Variants in EML2 observed in about 807,000 individuals in gnomAD.
The protein encoded by EML2 is EMAP like 2.
A neutral mutation model predicts 84.7 loss-of-function variants in EML2; 59 were observed. The observed-to-expected ratio is 0.70, with a 90% CI of 0.56 to 0.86. The LOEUF (loss-of-function observed/expected upper bound fraction) is 0.86, where lower values mean the gene tolerates loss of function less well. Ranked by LOEUF, EML2 falls within the 40% of genes least tolerant of loss-of-function variation. The pLI, the probability that EML2 is intolerant of heterozygous loss-of-function variation, is 0.00. For missense variants in EML2, 818 were observed against 855.6 expected, an observed-to-expected ratio of 0.96 and a Z score of 0.55; for synonymous variants, 352 against 348.9, an observed-to-expected ratio of 1.01 and a Z score of -0.10.
rs1449306836 is a variant in EML2, at chr19:45,621,805, T to C, written c.842-168A>G. Among the ~76,000 whole-genome samples the C allele has an allele frequency of 4.6e-5, 7 of 151,758 alleles. No individual in the cohort carries two copies. In the East Asian group the frequency reaches 1.2e-3, roughly 25 times the overall value. On this transcript the variant is annotated intron_variant, in intron 9 of 18. Transcript: ENST00000245925. ...TGTTGCCCAGGCTGGAGTGCACTGGTGCTATCTCGGCCCACTTCAGCCTCT... is the reference window on the plus strand; with the variant it reads ...TGTTGCCCAGGCTGGAGTGCACTGGCGCTATCTCGGCCCACTTCAGCCTCT...
intron 6 of EML2, among the ~76,000 whole-genome samples, chr19:45,631,339 G>A (rs1403620411): frequency 6.6e-6 from 1 of 152,100 alleles, no homozygotes; most frequent in African/African-American, 2.4e-5. Flanking sequence ...GAGACTGGCT[G>A]TTTTTTACTC....
intron 6 of EML2, 61 bp from the exon 7 acceptor site, chr19:45,630,107 C>T (rs572191300): frequency 6.4e-6 from 8 of 1,254,604 alleles, no homozygotes; most frequent in Admixed American, 3.5e-5. Context: ...ATCCTCCCCC[C>T]ATGCCCACCA....
At chr19:45,644,947 G>A (rs757426686), upstream of EML2, 4 of 458,730 alleles carry the variant, frequency 8.7e-6, no homozygotes, top group Non-Finnish European at 1.7e-5. Context: ...AGAAGCTTGA[G>A]GGGAGAGAGA....
At chr19:45,618,554 C>T (rs945664525) in intron 12 of EML2, among the ~76,000 whole-genome samples, 2 of 151,962 alleles carry the variant, frequency 1.3e-5, no homozygotes, top group Non-Finnish European at 2.9e-5. Flanking sequence ...GGTTCGGTGT[C>T]GTCCTGGGCT....
chr19:45,641,708 C>T (rs1207059998), upstream of EML2: 2 of 1,536,130 alleles, frequency 1.3e-6, no homozygotes, highest in East Asian at 2.4e-5. Context: ...TCACGGCGCA[C>T]CGAGGCGAGG....
chr19:45,638,506 C>T lies in EML2; in HGVS notation c.178G>A (p.Val60Ile), dbSNP rs1247750600. 1 of 1,614,070 alleles carries T rather than the reference C, an allele frequency of 6.2e-7. No homozygotes were observed. The highest frequency in any genetic ancestry group is 1.7e-5 in the Admixed American group (1 of 60,002). Residue 60 changes from valine to isoleucine, a missense_variant and splice_region_variant, in exon 3 of 19, where the codon GTC becomes ATC. Val to Ile is a conservative substitution (Grantham distance 29). Transcript: ENST00000245925. ...AAGGAGATTCCAGCAAAAGGATACA[C>T]CCACTCCAGCTTGAGCCGGCAAGAA... ...LPSCRLKLEWVYGYRGRDCRA... is the reference protein window; with the variant it reads ...LPSCRLKLEWIYGYRGRDCRA...
intron 15 of EML2, 88 bp from the exon 16 acceptor site, chr19:45,615,977 A>C: frequency 1.0e-6 from 1 of 979,878 alleles, no homozygotes. Context: ...AGTGGAAGTC[A>C]AATACAGAGG....
At chr19:45,629,560 G>T (rs1374315022) in intron 7 of EML2, among the ~76,000 whole-genome samples, 1 of 151,722 alleles carries the variant, frequency 6.6e-6, no homozygotes, top group Non-Finnish European at 1.5e-5. Context: ...CTGACCTCAG[G>T]TGATCTGCCT....
intron 9 of EML2, among the ~76,000 whole-genome samples, chr19:45,621,974 C>G (rs942620587): frequency 2.0e-5 from 3 of 151,644 alleles, no homozygotes; most frequent in African/African-American, 7.3e-5. Context: ...AACTCCTGAC[C>G]TCAAGTGATC....
intron 3 of EML2, among the ~76,000 whole-genome samples, chr19:45,634,938 A>C (rs1157641811): frequency 3.3e-4 from 46 of 137,754 alleles, no homozygotes; most frequent in African/African-American, 6.3e-4. Flanking sequence ...GCAACCTCCG[A>C]CTCCCTGGTT....
At chr19:45,613,511 C>T (rs534842289) in intron 18 of EML2, 30 bp downstream of exon 18, 10 of 1,609,972 alleles carry the variant, frequency 6.2e-6, no homozygotes, top group African/African-American at 2.7e-5. Context: ...TTGCTACCCC[C>T]GTCCATCCCC....
chr19:45,619,360 A>G, intron 11 of EML2, 169 bp from the exon 12 acceptor site: 1 of 782,820 alleles, frequency 1.3e-6, no homozygotes, highest in Non-Finnish European at 1.9e-6. Flanking sequence ...TGGGCATCTG[A>G]ACCCATGCCC....
In EML2 at chr19:45,626,832, T is replaced by C. The variant is rs375673428; in HGVS notation, c.614A>G (p.Asn205Ser). ...GAAGGTGGCCACCAATACAGCCTCA[T>C]TGGAGCACTTTGGGGGGTGGGGGAG... is the stretch of plus-strand genomic sequence containing the variant. ...ETKVVDVKCS[N>S]EAVLVATFHP... Residue 205 changes from asparagine to serine, a missense_variant, in exon 8 of 19, where the codon AAT becomes AGT. Physicochemically the swap from Asn to Ser is conservative, Grantham distance 46 (BLOSUM62 1). Coordinates refer to ENST00000245925, the MANE Select transcript of EML2 (RefSeq NM_012155.4). 4.4e-5 allele frequency: 71 copies of C among 1,612,068 alleles called. No individual in the cohort carries two copies. Among genetic ancestry groups the C allele is most frequent in the East Asian group, 1.3e-4 (6 of 44,848 alleles).
intron 14 of EML2, 41 bp downstream of exon 14, chr19:45,616,724 C>T: frequency 1.9e-6 from 3 of 1,576,222 alleles, no homozygotes; most frequent in South Asian, 1.1e-5. Context: ...AGCCTCTGTC[C>T]CCTGGCCCTG....
intron 18 of EML2, among the ~76,000 whole-genome samples, chr19:45,611,136 G>A (rs376297388): frequency 6.6e-4 from 100 of 152,138 alleles, no homozygotes; most frequent in Non-Finnish European, 1.3e-3. Context: ...GTTGCTGGGC[G>A]TGGTGGCTCA....
upstream of EML2, among the ~76,000 whole-genome samples, chr19:45,643,930 G>T (rs1974830350): frequency 6.6e-6 from 1 of 152,230 alleles, no homozygotes; most frequent in Admixed American, 6.5e-5. Flanking sequence ...TTGGCATCAC[G>T]TTTTGCAGAC....
At chr19:45,612,147 C>G (rs753557088) in intron 18 of EML2, among the ~76,000 whole-genome samples, 2 of 152,036 alleles carry the variant, frequency 1.3e-5, no homozygotes, top group Non-Finnish European at 2.9e-5. Flanking sequence ...TCACTGCAAC[C>G]TCTACTTCTT....
chr19:45,638,798 C>T (rs1230722468), intron 2 of EML2, 47 bp downstream of exon 2: 2 of 1,609,442 alleles, frequency 1.2e-6, no homozygotes, highest in African/African-American at 2.7e-5. Flanking sequence ...AGCCTGTCAC[C>T]CCAACAAGCA....
chr19:45,638,453 T>C, intron 3 of EML2, 52 bp downstream of exon 3: 8 of 1,612,132 alleles, frequency 5.0e-6, no homozygotes, highest in Non-Finnish European at 6.8e-6. Context: ...ACCGCCTTTC[T>C]ATTTCCTCCT....
Sources: allele counts gnomAD v4.1 joint callset (sites outside exome capture counted in the v4.1 genomes callset), GRCh38; gene constraint gnomAD v4.1.1; transcripts MANE v1.5; gene names NCBI Gene and HGNC (gene_info 2026-07-23, HGNC 2026-07-21).